PACS1: variants seen among roughly 807,000 people sequenced by gnomAD.
PACS1 encodes the protein PACS-1.
A neutral mutation model predicts 115.0 loss-of-function variants in PACS1; 24 were observed. That is an observed-to-expected ratio of 0.21 (90% CI 0.15 to 0.29). PACS1 has a LOEUF of 0.29. Ranked by LOEUF, PACS1 falls within the 10% of genes least tolerant of loss-of-function variation. PACS1 has a pLI of 1.00. For missense variants in PACS1, 838 were observed against 1,251.2 expected, an observed-to-expected ratio of 0.67 and a Z score of 4.98; for synonymous variants, 453 against 504.5, an observed-to-expected ratio of 0.90 and a Z score of 1.37.
intron 2 of PACS1, among the ~76,000 whole-genome samples, chr11:66,208,715 A>G (rs1811894906): frequency 6.6e-6 from 1 of 150,384 alleles, no homozygotes; most frequent in African/African-American, 2.5e-5. Flanking sequence ...AAGAAAGAAA[A>G]AAATCATTCC....
chr11:66,169,329 G>T (rs1016063228), intron 1 of PACS1, among the ~76,000 whole-genome samples: 1 of 150,328 alleles, frequency 6.7e-6, no homozygotes, highest in Non-Finnish European at 1.5e-5. Context: ...TAATGATGAA[G>T]ATTACAGGCA....
chr11:66,156,877 T>C (rs906609636), intron 1 of PACS1, among the ~76,000 whole-genome samples: 2 of 151,830 alleles, frequency 1.3e-5, no homozygotes, highest in African/African-American at 4.8e-5. Flanking sequence ...AATCTTTCCA[T>C]GGTTTAATAA....
At chr11:66,100,944 GTCC>G (rs766882391) in intron 1 of PACS1, 39 of 455,978 alleles carry the variant, frequency 8.6e-5, no homozygotes, top group Non-Finnish European at 1.4e-4. Flanking sequence ...CTCAGTGCCT[GTCC>G]TCCTCCAGCG....
Position 66,233,069 on chromosome 11 carries a change from A to G in PACS1, c.1838+3A>G, listed in dbSNP as rs775980710. The G allele has an allele frequency of 6.9e-6, 11 of 1,601,662 alleles. No homozygotes were observed. The highest frequency in any genetic ancestry group is 9.4e-6 in the Non-Finnish European group (11 of 1,174,594). Reference sequence around the variant, plus strand: ...CTGCTCACCCGGATCCAGCGCTAGTAAGGGCTCTGGCCTCCCTTCTCCTGC... The same window carrying G: ...CTGCTCACCCGGATCCAGCGCTAGTGAGGGCTCTGGCCTCCCTTCTCCTGC... On this transcript the variant is annotated splice_donor_region_variant and intron_variant, in intron 15 of 23. Coordinates refer to ENST00000320580, the MANE Select transcript of PACS1 (RefSeq NM_018026.4). This position sits in a 1 kb window ranked among gnomAD's most constrained non-coding sequence, Gnocchi z 4.5.
chr11:66,130,879 G>A (rs1858685566), intron 1 of PACS1, among the ~76,000 whole-genome samples: 1 of 152,016 alleles, frequency 6.6e-6, no homozygotes, highest in African/African-American at 2.4e-5. Flanking sequence ...AGACCAACCC[G>A]GGCAATGTGA....
chr11:66,136,216 G>A (rs963619301), intron 1 of PACS1, among the ~76,000 whole-genome samples: 2 of 150,896 alleles, frequency 1.3e-5, no homozygotes, highest in Non-Finnish European at 2.9e-5. Context: ...TTCAGTGTTT[G>A]GGGAGCCCAG....
At chr11:66,209,480 A>G (rs1439423518) in intron 2 of PACS1, among the ~76,000 whole-genome samples, 1 of 152,196 alleles carries the variant, frequency 6.6e-6, no homozygotes, top group Non-Finnish European at 1.5e-5. Context: ...AGTGCTGGGA[A>G]CTCACAGACG....
intron 10 of PACS1, among the ~76,000 whole-genome samples, chr11:66,226,115 T>C (rs911012326): frequency 6.6e-6 from 1 of 152,166 alleles, no homozygotes. Context: ...GAGGTTGCAG[T>C]GAGCCAAGAT....
intron 7 of PACS1, chr11:66,217,910 A>G: frequency 4.1e-6 from 1 of 241,964 alleles, no homozygotes; most frequent in Middle Eastern, 1.5e-3. Flanking sequence ...TTCATAAGTC[A>G]CCTCTTCCTA....
At chr11:66,183,921 G>A (rs548301227) in intron 1 of PACS1, among the ~76,000 whole-genome samples, 13 of 152,278 alleles carry the variant, frequency 8.5e-5, no homozygotes, top group African/African-American at 2.4e-4. Flanking sequence ...TGTTGCCATG[G>A]CAATGGTAAA....
chr11:66,173,941 A>G (rs1402153486), intron 1 of PACS1, among the ~76,000 whole-genome samples: 3 of 152,048 alleles, frequency 2.0e-5, no homozygotes, highest in Non-Finnish European at 4.4e-5. Context: ...AATCCCAGCT[A>G]CTCAGGAAGC....
intron 8 of PACS1, 78 bp downstream of exon 8, chr11:66,219,883 T>G: frequency 9.9e-7 from 1 of 1,005,708 alleles, no homozygotes; most frequent in Non-Finnish European, 1.6e-6. Context: ...GTACACTCTG[T>G]ATTGCCACTG....
At chr11:66,079,535 C>T (rs1857450176) in intron 1 of PACS1, among the ~76,000 whole-genome samples, 1 of 152,024 alleles carries the variant, frequency 6.6e-6, no homozygotes, top group South Asian at 2.1e-4. Flanking sequence ...GCATTGTAAT[C>T]CCTCCCAACC....
chr11:66,215,078 G>A (rs1403107146), intron 4 of PACS1, among the ~76,000 whole-genome samples: 5 of 151,656 alleles, frequency 3.3e-5, no homozygotes, highest in African/African-American at 7.3e-5. Context: ...GACTACAGGC[G>A]CCCACCACCA....
intron 2 of PACS1, among the ~76,000 whole-genome samples, chr11:66,209,792 C>T (rs1406743469): frequency 6.6e-6 from 1 of 151,960 alleles, no homozygotes; most frequent in African/African-American, 2.4e-5. Context: ...GTAGTCCCAG[C>T]TACTCAGGAG....
chr11:66,093,032 G>GT (rs1440974963), intron 1 of PACS1, among the ~76,000 whole-genome samples: 2 of 152,134 alleles, frequency 1.3e-5, no homozygotes, highest in Admixed American at 6.6e-5. Flanking sequence ...CTTTAAAGTA[G>GT]TTTTTTCCAA....
At chr11:66,168,467 A>G (rs1244354083) in intron 1 of PACS1, among the ~76,000 whole-genome samples, 1 of 150,216 alleles carries the variant, frequency 6.7e-6, no homozygotes, top group Non-Finnish European at 1.5e-5. Context: ...TTAAGAGCAA[A>G]GGCTTCGGAA....
chr11:66,190,474 G>A (rs1854490674), intron 1 of PACS1, among the ~76,000 whole-genome samples: 1 of 152,118 alleles, frequency 6.6e-6, no homozygotes, highest in Admixed American at 6.6e-5. Flanking sequence ...CACCCAGGCT[G>A]GAGTGCAATG....
In PACS1 at chr11:66,070,825, G is replaced by A. The variant is rs1165350390; in HGVS notation, c.339G>A (p.Ser113=). Residue 113 remains serine, a synonymous_variant, in exon 1 of 24, where the codon TCG becomes TCA. Coordinates refer to ENST00000320580, the MANE Select transcript of PACS1 (RefSeq NM_018026.4). This position sits in a 1 kb window ranked among gnomAD's most constrained non-coding sequence, Gnocchi z 5.9. The part of the protein sequence containing the change: ...LYATWEVDRS[S]SSCVPRLFSL... ...CCACCTGGGAGGTGGACCGGAGCTC[G>A]TCCAGCTGCGTGCCTAGGTGAGCGC... is the stretch of plus-strand genomic sequence containing the variant. 2.0e-6 allele frequency: 3 copies of A among 1,493,704 alleles called. No homozygotes were observed. The highest frequency in any genetic ancestry group is 2.7e-6 in the Non-Finnish European group (3 of 1,128,346). The allele number at this position is 1,493,704 out of a possible 1,614,324, so 92.5% of individuals were successfully genotyped here.
Sources: gnomAD v4.1 joint callset for allele counts (sites outside exome capture counted in the v4.1 genomes callset) on GRCh38, gnomAD v4.1.1 for gene constraint, Gnocchi (gnomAD v3.1) non-coding constraint, MANE v1.5 for transcripts, NCBI Gene and HGNC (gene_info 2026-07-23, HGNC 2026-07-21) for gene names.